The following RASAL3 variants were observed in gnomAD, a reference collection of about 807,000 sequenced individuals.
RASAL3 encodes RAS protein activator like-3.
In RASAL3, 74 loss-of-function variants were observed where a neutral mutation model predicts 105.5. The observed-to-expected ratio is 0.70, with a 90% CI of 0.58 to 0.85. The LOEUF (loss-of-function observed/expected upper bound fraction) is 0.85, where lower values mean the gene tolerates loss of function less well. RASAL3 is among the 40% of genes least tolerant of loss of function. RASAL3 has a pLI of 0.00. For missense variants in RASAL3, 1,352 were observed against 1,392.0 expected (o/e 0.97, Z 0.46); for synonymous variants, 579 against 591.6 (o/e 0.98, Z 0.31).
Position 15,453,126 on chromosome 19 carries a change from G to A in RASAL3, c.2651C>T (p.Thr884Met). 6.2e-7 allele frequency: 1 copy of A among 1,613,702 alleles called. No homozygotes were observed. Among genetic ancestry groups the A allele is most frequent in the Non-Finnish European group, 8.5e-7 (1 of 1,179,744 alleles). ...CCTTACCTTGTTCACAGGTCGGTGC[G>A]TGCCCAGTGCCTGGTTTCGGTCTTG... Reference protein sequence around the residue: ...QPQDRNQALGTHRPVNKLAEL... With the variant: ...QPQDRNQALGMHRPVNKLAEL... The change falls in exon 15 of 18, where the codon ACG (threonine) becomes ATG (methionine). Residue 884 changes from threonine to methionine, a missense_variant. By Grantham distance (81) the Thr-to-Met change is moderately conservative (BLOSUM62 -1). Transcript: ENST00000343625. The surrounding 1 kb of genome is among the most constrained non-coding windows in gnomAD (Gnocchi z 4.2).
Position 15,457,308 on chromosome 19 carries a change from G to A in RASAL3, c.1415C>T (p.Ala472Val). ...GTGCCGCACCTGCGCCCGGCCGGTG[G>A]CCCGCAGCACGCGCACCATGGCTGC... ...LAAAMVRVLR[A>V]TGRAQALVTD... The change falls in exon 9 of 18, where the codon GCC (alanine) becomes GTC (valine). Residue 472 changes from alanine to valine, a missense_variant. Around this residue, in one of 3 missense-constraint regions of RASAL3, gnomAD observed 920 missense variants for 919.6 expected, o/e 1.00. Transcript: ENST00000343625. The surrounding 1 kb of genome is among the most constrained non-coding windows in gnomAD (Gnocchi z 8.6). 2.3e-6 allele frequency: 3 copies of A among 1,309,096 alleles called. No individual in the cohort carries two copies. The highest frequency in any genetic ancestry group is 2.9e-6 in the Non-Finnish European group (3 of 1,030,668). The allele number at this position is 1,309,096 out of a possible 1,614,324, so 81.1% of individuals were successfully genotyped here. A position where few individuals can be genotyped will look rare whatever the true frequency, so the allele number is the denominator to read the frequency against.
At chr19:15,461,145 G>C in intron 4 of RASAL3, 24 bp from the exon 5 acceptor site, 3 of 1,613,778 alleles carry the variant, frequency 1.9e-6, no homozygotes, top group Non-Finnish European at 2.5e-6. Flanking sequence ...TGGGTGGCAG[G>C]TTGGGGGGTT....
Position 15,464,223 on chromosome 19 carries a change from A to G in RASAL3, c.136T>C (p.Trp46Arg), listed in dbSNP as rs530306832. 3 of 1,609,844 alleles carry G rather than the reference A, an allele frequency of 1.9e-6. No homozygotes were observed. Among genetic ancestry groups the G allele is most frequent in the Admixed American group, 1.7e-5 (1 of 59,488 alleles). ...GGFRWGRFAGWGRALSHQEPM... is the reference protein window; with the variant it reads ...GGFRWGRFAGRGRALSHQEPM... ...TCCTGGTGGCTCAGGGCCCTGCCCC[A>G]GCCAGCAAAGCGGCCCCAGCGGAAC... The change falls in exon 2 of 18, where the codon TGG becomes CGG. Residue 46 changes from tryptophan to arginine, a missense_variant. Trp to Arg is a moderately radical substitution (Grantham distance 101). Around this residue, in one of 3 missense-constraint regions of RASAL3, gnomAD observed 344 missense variants for 339.6 expected, o/e 1.01. Coordinates refer to ENST00000343625, the MANE Select transcript of RASAL3 (RefSeq NM_022904.3).
chr19:15,462,651 T>A (rs1970546156), intron 2 of RASAL3, among the ~76,000 whole-genome samples: 1 of 151,902 alleles, frequency 6.6e-6, no homozygotes, highest in East Asian at 1.9e-4. Flanking sequence ...AACGGATCAC[T>A]TAAAATATGT....
chr19:15,454,800 G>C lies in RASAL3; in HGVS notation c.1815C>G (p.Cys605Trp). ...GSEVLGPRLV[C>W]ASLFLRLLCP... The stretch of plus-strand genomic sequence containing the variant: ...ACAGGAGCCGCAGGAAGAGGGAGGC[G>C]CACACCAGTCGGGGGCCCAGCACCT... Residue 605 changes from cysteine (C) to tryptophan (W), a missense_variant, in exon 12 of 18, where the codon TGC (cysteine) becomes TGG (tryptophan). This residue lies in a region of RASAL3 where 920 missense variants were observed against 919.6 expected (regional missense o/e 1.00). Transcript: ENST00000343625. 6.3e-7 allele frequency: 1 copy of C among 1,596,124 alleles called. No individual in the cohort carries two copies. The highest frequency in any genetic ancestry group is 8.5e-7 in the Non-Finnish European group (1 of 1,171,622).
At position 15,456,911 on chromosome 19, in the gene RASAL3, C is replaced by G. The variant is rs1599740269; in HGVS notation, c.1432-265G>C. 5.4e-6 allele frequency: 3 copies of G among 552,568 alleles called. No individual in the cohort carries two copies. In the East Asian group the frequency reaches 9.2e-5, roughly 17 times the overall value. The allele number at this position is 552,568 out of a possible 1,614,324, so 34.2% of individuals were successfully genotyped here. A position where few individuals can be genotyped will look rare whatever the true frequency, so the allele number is the denominator to read the frequency against. Reference sequence around the variant, plus strand: ...GCCCCTGTCGCAGCTGAAGCTTAGGCTCCGCTCTTCAAGGTGTCCCGCCCC... The same window carrying G: ...GCCCCTGTCGCAGCTGAAGCTTAGGGTCCGCTCTTCAAGGTGTCCCGCCCC... On this transcript the variant is annotated intron_variant, in intron 9 of 17. Coordinates refer to ENST00000343625, the MANE Select transcript of RASAL3 (RefSeq NM_022904.3). The surrounding 1 kb of genome is among the most constrained non-coding windows in gnomAD (Gnocchi z 4.4).
chr19:15,459,738 T>C (rs1189873039), intron 6 of RASAL3, among the ~76,000 whole-genome samples: 1 of 151,912 alleles, frequency 6.6e-6, no homozygotes, highest in Non-Finnish European at 1.5e-5. Flanking sequence ...GGTCTCACTA[T>C]GTTGCCCAGG....
rs897868383 is a variant in RASAL3 at position 15,454,876 on chromosome 19, A to G, written c.1739T>C (p.Leu580Pro). The G allele has an allele frequency of 6.4e-7, 1 of 1,562,114 alleles. No individual in the cohort carries two copies. Among genetic ancestry groups the G allele is most frequent in the South Asian group, 1.2e-5 (1 of 84,868 alleles). The change falls in exon 12 of 18, where the codon CTG becomes CCG. Residue 580 changes from leucine to proline, a missense_variant. This residue lies in a region of RASAL3 where 920 missense variants were observed against 919.6 expected (regional missense o/e 1.00). Transcript: ENST00000343625. ...TCGCCAGCTTGAGAACACGATGCCC[A>G]GCTCCGCAGGGAACCAGCTGGTGCA... The part of the protein sequence containing the change: ...IHSYDWFPAE[L>P]GIVFSSWREA...
Position 15,456,319 on chromosome 19 carries a change from C to T in RASAL3, c.1577-71G>A, listed in dbSNP as rs991721497. On this transcript the variant is annotated intron_variant, in intron 10 of 17. Transcript: ENST00000343625. This position sits in a 1 kb window ranked among gnomAD's most constrained non-coding sequence, Gnocchi z 4.4. ...AAACCTGCCACACCCATCCTCCAAC[C>T]TTGTCTTCAGGTTATTCCGGAGGCA... 2 of 1,584,726 alleles carry T rather than the reference C, an allele frequency of 1.3e-6. No individual in the cohort carries two copies. The highest frequency in any genetic ancestry group is 1.7e-6 in the Non-Finnish European group (2 of 1,162,214).
chr19:15,457,680 T>C lies in RASAL3; in HGVS notation c.1043A>G (p.Gln348Arg), dbSNP rs1199692940. The change falls in exon 9 of 18, where the codon CAG becomes CGG. Residue 348 changes from glutamine to arginine, a missense_variant. Transcript: ENST00000343625. The surrounding 1 kb of genome is among the most constrained non-coding windows in gnomAD (Gnocchi z 8.6). ...ARTAPRAGPG[Q>R]LFWAERFHFE... ...GTGGAAGCGCTCGGCCCAGAAGAGC[T>C]GGCCTGGGCCGGCCCGAGGCGCCGT... 2.1e-6 allele frequency: 3 copies of C among 1,446,666 alleles called. No homozygotes were observed. The highest frequency in any genetic ancestry group is 2.9e-5 in the Admixed American group (1 of 34,458). 89.6% of individuals were successfully genotyped at this position (1,446,666 alleles called of 1,614,324 possible).
At position 15,457,402 on chromosome 19, in the gene RASAL3, A is replaced by G. The variant is rs1970357763; in HGVS notation, c.1321T>C (p.Phe441Leu). Residue 441 changes from phenylalanine to leucine, a missense_variant, in exon 9 of 18, where the codon TTC becomes CTC. Physicochemically the swap from Phe to Leu is conservative, Grantham distance 22 (BLOSUM62 0). This residue lies in a region of RASAL3 where 920 missense variants were observed against 919.6 expected (regional missense o/e 1.00). Transcript: ENST00000343625. The surrounding 1 kb of genome is among the most constrained non-coding windows in gnomAD (Gnocchi z 8.6). ...GCCCCGCAGAGGCGCGCATAGTGGAAGGTGAGGAACTCCGCCAGCTCCTTG... is the reference window on the plus strand; with the variant it reads ...GCCCCGCAGAGGCGCGCATAGTGGAGGGTGAGGAACTCCGCCAGCTCCTTG... The part of the protein sequence containing the change: ...RYKELAEFLT[F>L]HYARLCGALE... 5.5e-6 allele frequency: 8 copies of G among 1,449,848 alleles called. No individual in the cohort carries two copies. The highest frequency in any genetic ancestry group is 7.2e-6 in the Non-Finnish European group (8 of 1,105,858). The allele number at this position is 1,449,848 out of a possible 1,614,324, so 89.8% of individuals were successfully genotyped here. A position where few individuals can be genotyped will look rare whatever the true frequency, so the allele number is the denominator to read the frequency against.
chr19:15,460,324 G>T (rs1463365153), intron 5 of RASAL3, 66 bp from the exon 6 acceptor site: 1 of 1,473,326 alleles, frequency 6.8e-7, no homozygotes, highest in Non-Finnish European at 9.3e-7. Flanking sequence ...TCCCTCCCAA[G>T]ACATCCCAGA....
At position 15,457,889 on chromosome 19, in the gene RASAL3, A is replaced by C; in HGVS notation, c.889-55T>G. The C allele has an allele frequency of 6.5e-7, 1 of 1,532,256 alleles. No homozygotes were observed. The highest frequency in any genetic ancestry group is 1.4e-5 in the African/African-American group (1 of 72,300). 94.9% of individuals were successfully genotyped at this position (1,532,256 alleles called of 1,614,324 possible). The stretch of plus-strand genomic sequence containing the variant: ...GTTTTGGTTTGTTGGCACCCCAAAG[A>C]AGGCACCGCAAGTGAAGCGTGGAGC... On this transcript the variant is annotated intron_variant, in intron 8 of 17. Transcript: ENST00000343625. The surrounding 1 kb of genome is among the most constrained non-coding windows in gnomAD (Gnocchi z 8.6).
chr19:15,459,462 C>G (rs1216764952), intron 6 of RASAL3, among the ~76,000 whole-genome samples: 1 of 151,468 alleles, frequency 6.6e-6, no homozygotes, highest in Non-Finnish European at 1.5e-5. Flanking sequence ...CCAGGCTGGT[C>G]TTGAACTCCT....
At chr19:15,458,131 G>A (rs1970386642) in intron 8 of RASAL3, 197 bp downstream of exon 8, 2 of 642,118 alleles carry the variant, frequency 3.1e-6, no homozygotes, top group Non-Finnish European at 5.4e-6. Context: ...GGCCGGGAGT[G>A]GACAGAAGGG....
At position 15,464,248 on chromosome 19, in the gene RASAL3, C is replaced by T. The variant is rs1970605552; in HGVS notation, c.111G>A (p.Gly37=). ...TGGGGEKAAG[G]FRWGRFAGWG... is the part of the protein sequence containing the mutation. ...AGCCAGCAAAGCGGCCCCAGCGGAA[C>T]CCTCCAGCCGCCTTCTCCCCACCGC... Residue 37 remains glycine, a synonymous_variant, in exon 2 of 18, where the codon GGG becomes GGA. Transcript: ENST00000343625. The T allele has an allele frequency of 6.2e-7, 1 of 1,608,974 alleles. No individual in the cohort carries two copies. Among genetic ancestry groups the T allele is most frequent in the Admixed American group, 1.7e-5 (1 of 59,274 alleles).
chr19:15,454,967 G>T, intron 11 of RASAL3, 74 bp from the exon 12 acceptor site: 1 of 1,154,644 alleles, frequency 8.7e-7, no homozygotes, highest in Non-Finnish European at 1.2e-6. Context: ...AAGGTTGGGA[G>T]TCCCAGAAGC....
chr19:15,458,103 G>A (rs1213239663), intron 8 of RASAL3: 1 of 628,014 alleles, frequency 1.6e-6, no homozygotes, highest in African/African-American at 1.8e-5. Context: ...TGGCAGGCAG[G>A]GCTTTGGGTG....
At chr19:15,459,266 G>A (rs1038482165) in intron 6 of RASAL3, among the ~76,000 whole-genome samples, 67 of 39,962 alleles carry the variant, frequency 1.7e-3, no homozygotes, top group African/African-American at 0.011. Context: ...TATTTATTGA[G>A]ATGGAGTCTT....
Sources: allele counts gnomAD v4.1 joint callset (sites outside exome capture counted in the v4.1 genomes callset), GRCh38; gene constraint gnomAD v4.1.1; regional missense constraint gnomAD v4.1.1; non-coding constraint Gnocchi (gnomAD v3.1); transcripts MANE v1.5; gene names NCBI Gene and HGNC (gene_info 2026-07-23, HGNC 2026-07-21).